Variants in ABCB8 observed in about 807,000 individuals in gnomAD.
ABCB8 encodes ATP binding cassette subfamily B member 8.
ABCB8 carries 52 observed loss-of-function variants against 73.0 expected under a neutral mutation model. The ratio of observed to expected loss-of-function variants is 0.71; its 90% CI spans 0.57 to 0.90. The LOEUF is 0.90. Among genes scored for constraint, ABCB8 ranks in the 40% least tolerant of loss-of-function variants. The probability of loss-of-function intolerance (pLI) is 0.00; values close to 1 mark genes in which losing one functional copy is unlikely to be tolerated. For missense variants in ABCB8, 909 were observed against 974.6 expected (o/e 0.93, Z 0.90); for synonymous variants, 428 against 423.5 (o/e 1.01, Z -0.13).
intron 5 of ABCB8, among the ~76,000 whole-genome samples, 183 bp from the exon 6 acceptor site, chr7:151,035,398 G>A (rs923615585): frequency 1.3e-5 from 2 of 152,190 alleles, no homozygotes; most frequent in Non-Finnish European, 2.9e-5. Flanking sequence ...CCTGCTGCTC[G>A]CACCCCAACT....
intron 13 of ABCB8, 97 bp from the exon 14 acceptor site, chr7:151,041,864 C>T (rs1208699979): frequency 2.8e-6 from 4 of 1,410,924 alleles, no homozygotes; most frequent in South Asian, 1.2e-5. Flanking sequence ...ATCTAATCCA[C>T]CAGATAGACT....
chr7:151,028,536 G>C lies in ABCB8; in HGVS notation c.21G>C (p.Arg7=), dbSNP rs755870351. Residue 7 remains arginine (R), a synonymous_variant, in exon 1 of 16, where the codon CGG becomes CGC. Coordinates refer to ENST00000358849, the MANE Select transcript of ABCB8 (RefSeq NM_007188.5). Reference sequence around the variant, plus strand: ...TCAGCATGCTGGTGCATTTATTTCGGGTCGGGATTCGGGGTGGCCCATTCC... The same window carrying C: ...TCAGCATGCTGGTGCATTTATTTCGCGTCGGGATTCGGGGTGGCCCATTCC... MLVHLF[R]VGIRGGPFPG... is the part of the protein sequence containing the mutation. 1.9e-6 allele frequency: 3 copies of C among 1,613,942 alleles called. No individual in the cohort carries two copies. The South Asian group carries it at 3.3e-5, about 18-fold the overall frequency.
At chr7:151,043,526 A>G (rs375806275) in intron 14 of ABCB8, among the ~76,000 whole-genome samples, 64 of 104,942 alleles carry the variant, frequency 6.1e-4, no homozygotes, top group Admixed American at 1.1e-3. Context: ...AGGGTCAGAG[A>G]CAGGACTAGG....
chr7:151,037,058 T>C, intron 9 of ABCB8: 1 of 691,982 alleles, frequency 1.4e-6, no homozygotes, highest in South Asian at 1.5e-5. Flanking sequence ...TCCAGAACTC[T>C]TACCTGGCAG....
intron 1 of ABCB8, chr7:151,031,280 G>A: frequency 6.4e-7 from 1 of 1,554,586 alleles, no homozygotes; most frequent in Non-Finnish European, 8.6e-7. Context: ...AGTTACACAA[G>A]GCAGAAGGAG....
chr7:151,034,739 C>G lies in ABCB8; in HGVS notation c.675C>G (p.Phe225Leu), dbSNP rs1394519723. The G allele has an allele frequency of 6.2e-7, 1 of 1,614,102 alleles. No homozygotes were observed. The highest frequency in any genetic ancestry group is 2.2e-5 in the East Asian group (1 of 44,878). ...CCCATGCCAGACAAGACATCACCTT[C>G]TTTGACGCCAATAAGACAGGGCAGC... Reference protein sequence around the residue: ...FSSLLRQDITFFDANKTGQLV... With the variant: ...FSSLLRQDITLFDANKTGQLV... The change falls in exon 5 of 16, where the codon TTC becomes TTG. Residue 225 changes from phenylalanine (F) to leucine (L), a missense_variant. Coordinates refer to ENST00000358849, the MANE Select transcript of ABCB8 (RefSeq NM_007188.5).
chr7:151,035,471 C>A, intron 5 of ABCB8, 110 bp from the exon 6 acceptor site: 1 of 1,334,646 alleles, frequency 7.5e-7, no homozygotes, highest in Non-Finnish European at 1.0e-6. Context: ...GGGGCCAAGA[C>A]CTGGGCCTTG....
intron 6 of ABCB8, 41 bp from the exon 7 acceptor site, chr7:151,035,841 G>A: frequency 6.2e-7 from 1 of 1,610,956 alleles, no homozygotes; most frequent in Non-Finnish European, 8.5e-7. Flanking sequence ...TCCTTGTCCT[G>A]TTTTCTGGAC....
At chr7:151,029,334 T>C (rs928591954) in intron 1 of ABCB8, among the ~76,000 whole-genome samples, 5 of 150,598 alleles carry the variant, frequency 3.3e-5, no homozygotes, top group Non-Finnish European at 5.9e-5. Flanking sequence ...ATCTAGTAAC[T>C]TGTACATGTG....
intron 9 of ABCB8, 54 bp downstream of exon 9, chr7:151,036,703 C>T: frequency 6.8e-7 from 1 of 1,479,460 alleles, no homozygotes; most frequent in Middle Eastern, 1.9e-4. Context: ...CTCCAGAGCC[C>T]TGCTGGGTTA....
intron 15 of ABCB8, 89 bp downstream of exon 15, chr7:151,044,310 G>A (rs1796557335): frequency 1.9e-6 from 3 of 1,539,616 alleles, no homozygotes; most frequent in African/African-American, 2.7e-5. Flanking sequence ...ATATGAAGTT[G>A]TGGCCTGGCC....
intron 13 of ABCB8, 94 bp downstream of exon 13, chr7:151,041,326 A>G: frequency 4.4e-6 from 6 of 1,379,000 alleles, no homozygotes; most frequent in Non-Finnish European, 4.7e-6. Flanking sequence ...TTTCTTTCCC[A>G]CCCTCATCCT....
intron 14 of ABCB8, among the ~76,000 whole-genome samples, 161 bp from the exon 15 acceptor site, chr7:151,043,810 T>C (rs1584959374): frequency 1.3e-5 from 1 of 79,398 alleles, no homozygotes; most frequent in African/African-American, 5.1e-5. Context: ...AGGAGGAGGA[T>C]GCACAGTGCG....
At chr7:151,036,875 T>C in intron 9 of ABCB8, 2 of 756,270 alleles carry the variant, frequency 2.6e-6, no homozygotes, top group East Asian at 4.9e-5. Flanking sequence ...GTGCTTGTCA[T>C]CTTCAGCCTT....
rs1796611584 is a variant in ABCB8 at position 151,046,372 on chromosome 7, A to C, written c.*1023A>C. On this transcript the variant is annotated 3_prime_UTR_variant, in exon 16 of 16. Transcript: ENST00000358849. ...GAGGCGCACCTTGAAAGGGGAAGGC[A>C]GACATCCTGAGTGATGGGCGCCTGT... 1 of 152,352 alleles carries C rather than the reference A, an allele frequency of 6.6e-6. No individual in the cohort carries two copies. The highest frequency in any genetic ancestry group is 6.5e-5 in the Admixed American group (1 of 15,290). 9.4% of individuals were successfully genotyped at this position (152,352 alleles called of 1,614,324 possible). A position where few individuals can be genotyped will look rare whatever the true frequency, so the allele number is the denominator to read the frequency against.
chr7:151,029,051 C>CTATTACA, intron 1 of ABCB8: 1 of 1,112,994 alleles, frequency 9.0e-7, no homozygotes, highest in Non-Finnish European at 1.1e-6. Flanking sequence ...AGGCCGGGCG[C>CTATTACA]GGTGGCTCGC....
chr7:151,031,587 C>T lies in ABCB8; in HGVS notation c.96-2018C>T, dbSNP rs558236590. 1.8e-4 allele frequency: 49 copies of T among 279,332 alleles called. 1 individual carries two copies. Among genetic ancestry groups the T allele is most frequent in the Middle Eastern group, 2.2e-3 (2 of 916 alleles). The allele number at this position is 279,332 out of a possible 1,614,324, so 17.3% of individuals were successfully genotyped here. On this transcript the variant is annotated intron_variant, in intron 1 of 15. Coordinates refer to ENST00000358849, the MANE Select transcript of ABCB8 (RefSeq NM_007188.5). ...CTCCTGGCTGGATAACTTCTGCTCC[C>T]TACAACCAGTCCTGTCTGCCTCCAG...
intron 14 of ABCB8, among the ~76,000 whole-genome samples, chr7:151,042,704 T>C (rs1169405600): frequency 2.0e-5 from 3 of 152,192 alleles, no homozygotes; most frequent in African/African-American, 7.2e-5. Context: ...TTCGGGGCCA[T>C]GTTTCTCGGC....
rs145666848 is a variant in ABCB8, at chr7:151,046,595, C to T, written c.*1246C>T. On this transcript the variant is annotated 3_prime_UTR_variant, in exon 16 of 16. Transcript: ENST00000358849. Reference sequence around the variant, plus strand: ...GATCCTTCCCCTATCCAGCCACATCCAGGCTGTGGGACTACACGGTGCCCT... The same window carrying T: ...GATCCTTCCCCTATCCAGCCACATCTAGGCTGTGGGACTACACGGTGCCCT... 6.6e-6 allele frequency: 1 copy of T among 152,322 alleles called. No individual in the cohort carries two copies. The highest frequency in any genetic ancestry group is 6.5e-5 in the Admixed American group (1 of 15,284). 9.4% of individuals were successfully genotyped at this position (152,322 alleles called of 1,614,324 possible).
Sources: allele counts gnomAD v4.1 joint callset (sites outside exome capture counted in the v4.1 genomes callset), GRCh38; gene constraint gnomAD v4.1.1; transcripts MANE v1.5; gene names NCBI Gene and HGNC (gene_info 2026-07-23, HGNC 2026-07-21).